ITGA5: variants seen among roughly 807,000 people sequenced by gnomAD.
ITGA5 encodes integrin alpha-5.
In ITGA5, 55 loss-of-function variants were observed where a neutral mutation model predicts 146.3. That is an observed-to-expected ratio of 0.38 (90% confidence interval 0.30 to 0.47). ITGA5 has a LOEUF of 0.47. Ranked by LOEUF, ITGA5 falls within the 20% of genes least tolerant of loss-of-function variation. The pLI is 0.99. For synonymous variants in ITGA5, 500 were observed against 531.8 expected, an observed-to-expected ratio of 0.94 and a Z score of 0.82; for missense variants, 1,131 against 1,329.0, an observed-to-expected ratio of 0.85 and a Z score of 2.32.
Position 54,399,774 on chromosome 12 carries a change from C to T in ITGA5, c.2728-16G>A, listed in dbSNP as rs755823731. On this transcript the variant is annotated splice_polypyrimidine_tract_variant and intron_variant, in intron 26 of 29. Coordinates refer to ENST00000293379, the MANE Select transcript of ITGA5 (RefSeq NM_002205.5). ...CCGGGCATTTCTAGGAAGAAAGAAG[C>T]TTGAACCTGGTGTTCTGCCCTTGTG... The T allele has an allele frequency of 6.2e-7, 1 of 1,613,220 alleles. No individual in the cohort carries two copies. Among genetic ancestry groups the T allele is most frequent in the Admixed American group, 1.7e-5 (1 of 60,026 alleles).
At chr12:54,407,077 A>G (rs1284048337) in intron 9 of ITGA5, among the ~76,000 whole-genome samples, 1 of 152,258 alleles carries the variant, frequency 6.6e-6, no homozygotes, top group Non-Finnish European at 1.5e-5. Flanking sequence ...TGTTGTGAAG[A>G]ATAGAAATCA....
rs12301470 is a variant in ITGA5 at position 54,408,886 on chromosome 12, C to G, written c.645+7G>C. 0.016 allele frequency: 25,153 copies of G among 1,613,990 alleles called. 577 individuals carry two copies. Among genetic ancestry groups the G allele is most frequent in the South Asian group, 0.076 (6,878 of 91,072 alleles). On this transcript the variant is annotated splice_region_variant and intron_variant, in intron 5 of 29. Transcript: ENST00000293379. ...ACGGCCCCTTCTCTCCCAGACCACT[C>G]TCTCACCTTGGTGAACTCGGCACTG...
At chr12:54,398,524 ACCCAAGT>A in intron 28 of ITGA5, 66 bp downstream of exon 28, 3 of 1,076,444 alleles carry the variant, frequency 2.8e-6, no homozygotes, top group Non-Finnish European at 4.2e-6. Flanking sequence ...GCCAGCCCTC[ACCCAAGT>A]CCCAGCCCTG....
chr12:54,401,049 A>G lies in ITGA5; in HGVS notation c.2494-54T>C, dbSNP rs111752087. The G allele has an allele frequency of 0.017, 26,669 of 1,561,638 alleles. 700 individuals carry two copies. Among genetic ancestry groups the G allele is most frequent in the African/African-American group, 0.079 (5,872 of 74,002 alleles). On this transcript the variant is annotated intron_variant, in intron 24 of 29. Transcript: ENST00000293379. This position sits in a 1 kb window ranked among gnomAD's most constrained non-coding sequence, Gnocchi z 5.0. Reference sequence around the variant, plus strand: ...AGAAGGAAGGGAATGCTTCTGCCCCATTGAGACCCTGGATCACCATGGCTC... The same window carrying G: ...AGAAGGAAGGGAATGCTTCTGCCCCGTTGAGACCCTGGATCACCATGGCTC...
chr12:54,404,038 G>C, intron 15 of ITGA5, 72 bp from the exon 16 acceptor site: 9 of 1,583,416 alleles, frequency 5.7e-6, no homozygotes, highest in Non-Finnish European at 7.8e-6. Context: ...CTATCTCCCA[G>C]CCAGACCCAG....
At chr12:54,415,635 C>T (rs1170112294) in intron 1 of ITGA5, among the ~76,000 whole-genome samples, 1 of 152,198 alleles carries the variant, frequency 6.6e-6, no homozygotes, top group East Asian at 1.9e-4. Flanking sequence ...GCTATCTCCC[C>T]AGCTTTTGAT....
At position 54,404,905 on chromosome 12, in the gene ITGA5, C is replaced by T. The variant is rs1955842933; in HGVS notation, c.1226-11G>A. 3 of 1,552,288 alleles carry T rather than the reference C, an allele frequency of 1.9e-6. No homozygotes were observed. Among genetic ancestry groups the T allele is most frequent in the Non-Finnish European group, 2.6e-6 (3 of 1,152,958 alleles). On this transcript the variant is annotated splice_polypyrimidine_tract_variant and intron_variant, in intron 12 of 29. Coordinates refer to ENST00000293379, the MANE Select transcript of ITGA5 (RefSeq NM_002205.5). ...CCCCGATGGCCACATCTGGAAGACA[C>T]AGAACACACACTAGTCAGCAGGCCA...
chr12:54,407,809 C>T (rs1955885066), intron 8 of ITGA5, 23 bp downstream of exon 8: 2 of 1,608,922 alleles, frequency 1.2e-6, no homozygotes, highest in African/African-American at 2.7e-5. Flanking sequence ...CCTCCCTTGG[C>T]CCCAGCCTGG....
Position 54,419,231 on chromosome 12 carries a change from A to AC in ITGA5, c.-34dup. On this transcript the variant is annotated 5_prime_UTR_variant, in exon 1 of 30. Transcript: ENST00000293379. ...GCTCTTCCCTGTCCTGGGGCCACCG[A>AC]CCCGGAGCCGCTTCCTAAACCTCCC... 3 of 1,546,630 alleles carry AC rather than the reference A, an allele frequency of 1.9e-6. No homozygotes were observed. The highest frequency in any genetic ancestry group is 2.6e-6 in the Non-Finnish European group (3 of 1,146,420).
intron 28 of ITGA5, among the ~76,000 whole-genome samples, chr12:54,398,060 G>C (rs887587204): frequency 1.3e-5 from 2 of 152,018 alleles, no homozygotes; most frequent in Non-Finnish European, 2.9e-5. Context: ...ACCACATCTG[G>C]CTAATTTTTG....
At position 54,398,514 on chromosome 12, in the gene ITGA5, G is replaced by T. The variant is rs1430007512; in HGVS notation, c.2943+83C>A. 9 of 939,154 alleles carry T rather than the reference G, an allele frequency of 9.6e-6. No homozygotes were observed. In the East Asian group the frequency reaches 2.4e-4, roughly 25 times the overall value. 58.2% of individuals were successfully genotyped at this position (939,154 alleles called of 1,614,324 possible). On this transcript the variant is annotated intron_variant, in intron 28 of 29. Transcript: ENST00000293379. ...CTCAACAGTTGTTAACAATACCAAG[G>T]CCAGCCCTCACCCAAGTCCCAGCCC... is the stretch of plus-strand genomic sequence containing the variant.
intron 9 of ITGA5, chr12:54,406,190 A>G: frequency 1.9e-6 from 1 of 538,916 alleles, no homozygotes; most frequent in Non-Finnish European, 3.3e-6. Flanking sequence ...CTCTCTACCC[A>G]CTAGAATGTA....
intron 25 of ITGA5, 114 bp from the exon 26 acceptor site, chr12:54,400,061 C>T (rs1031070599): frequency 4.2e-5 from 31 of 743,856 alleles, no homozygotes; most frequent in Admixed American, 2.1e-5. Flanking sequence ...TTTATTGATT[C>T]ATCCAACTGT....
chr12:54,405,265 C>G lies in ITGA5; in HGVS notation c.1126G>C (p.Glu376Gln), dbSNP rs761718645. Reference protein sequence around the residue: ...YVYLQHPAGIEPTPTLTLTGH... With the variant: ...YVYLQHPAGIQPTPTLTLTGH... ...GTGAGGGTAAGGGTGGGCGTGGGCTCTATGCCGGCTGGGTGCTGCAGGTAG... is the reference window on the plus strand; with the variant it reads ...GTGAGGGTAAGGGTGGGCGTGGGCTGTATGCCGGCTGGGTGCTGCAGGTAG... The change falls in exon 12 of 30, where the codon GAG becomes CAG. Residue 376 changes from glutamate to glutamine, a missense_variant. Transcript: ENST00000293379. 1.2e-6 allele frequency: 2 copies of G among 1,613,876 alleles called. No individual in the cohort carries two copies. The highest frequency in any genetic ancestry group is 2.7e-5 in the African/African-American group (2 of 74,924).
chr12:54,413,145 C>T (rs1051769359), intron 1 of ITGA5: 1 of 152,318 alleles, frequency 6.6e-6, no homozygotes, highest in Non-Finnish European at 1.5e-5. Flanking sequence ...ATTTGAATAC[C>T]TTCCTCAGCT....
intron 27 of ITGA5, among the ~76,000 whole-genome samples, chr12:54,399,153 C>T (rs369295798): frequency 1.2e-4 from 19 of 152,052 alleles, no homozygotes; most frequent in African/African-American, 4.6e-4. Flanking sequence ...GGCCCGTGAG[C>T]TTCTCTTGAT....
chr12:54,418,980 C>T lies in ITGA5; in HGVS notation c.218+1G>A. The T allele has an allele frequency of 6.2e-7, 1 of 1,610,628 alleles. No individual in the cohort carries two copies. The highest frequency in any genetic ancestry group is 8.5e-7 in the Non-Finnish European group (1 of 1,179,110). On this transcript the variant is annotated splice_donor_variant, in intron 1 of 29. Transcript: ENST00000293379. LOFTEE classifies it high-confidence loss of function. ...TCCCGTCTCCAGCCCTCCTCACTCA[C>T]CCGTCTGTTCCCGGCCGGTAAAACT... is the stretch of plus-strand genomic sequence containing the variant.
chr12:54,418,564 G>A (rs968899653), intron 1 of ITGA5, among the ~76,000 whole-genome samples: 23 of 151,924 alleles, frequency 1.5e-4, no homozygotes, highest in African/African-American at 5.3e-4. Context: ...CGGATCCCGA[G>A]GTCTCCTGGA....
At chr12:54,413,986 C>T (rs1166472613) in intron 1 of ITGA5, among the ~76,000 whole-genome samples, 5 of 152,216 alleles carry the variant, frequency 3.3e-5, no homozygotes, top group African/African-American at 1.2e-4. Flanking sequence ...GAGGAAGTAG[C>T]CTGGAGTTTA....
Sources: gnomAD v4.1 joint callset for allele counts (sites outside exome capture counted in the v4.1 genomes callset) on GRCh38, gnomAD v4.1.1 for gene constraint, Gnocchi (gnomAD v3.1) non-coding constraint, MANE v1.5 for transcripts, NCBI Gene and HGNC (gene_info 2026-07-23, HGNC 2026-07-21) for gene names.